PRRX2: variants seen among roughly 807,000 people sequenced by gnomAD.
The protein encoded by PRRX2 is paired related homeobox 2.
A neutral mutation model predicts 18.0 loss-of-function variants in PRRX2; 11 were observed. The ratio of observed to expected loss-of-function variants is 0.61; its 90% CI spans 0.39 to 1.01. The LOEUF (loss-of-function observed/expected upper bound fraction) is 1.01, where lower values mean the gene tolerates loss of function less well. Ranked by LOEUF, PRRX2 falls within the 50% of genes least tolerant of loss-of-function variation. The pLI, the probability that PRRX2 is intolerant of heterozygous loss-of-function variation, is 0.01. For synonymous variants in PRRX2, 177 were observed against 154.8 expected, an observed-to-expected ratio of 1.14 and a Z score of -1.06; for missense variants, 387 against 351.0, an observed-to-expected ratio of 1.10 and a Z score of -0.82.
At chr9:129,696,410 A>G (rs1832422651) in intron 1 of PRRX2, among the ~76,000 whole-genome samples, 2 of 152,060 alleles carry the variant, frequency 1.3e-5, no homozygotes. Flanking sequence ...CCCCGTCTCT[A>G]CAAAAAATAC....
intron 1 of PRRX2, among the ~76,000 whole-genome samples, chr9:129,687,040 AG>A (rs1307750357): frequency 6.6e-6 from 1 of 151,878 alleles, no homozygotes; most frequent in Non-Finnish European, 1.5e-5. Context: ...CCCCCTGCAG[AG>A]GGGGTGGGGG....
At chr9:129,676,794 C>T (rs1247034245) in intron 1 of PRRX2, among the ~76,000 whole-genome samples, 5 of 152,292 alleles carry the variant, frequency 3.3e-5, no homozygotes, top group Admixed American at 6.5e-5. Context: ...CCCCAGAAGC[C>T]GAAGCGTGAT....
At chr9:129,710,896 CCTT>C (rs1171695694) in intron 1 of PRRX2, among the ~76,000 whole-genome samples, 5 of 152,230 alleles carry the variant, frequency 3.3e-5, no homozygotes, top group Admixed American at 2.6e-4. Context: ...TTCTCCCCTT[CCTT>C]CTTTTCTGTC....
In PRRX2 at chr9:129,720,728, G is replaced by A. The variant is rs1250052794; in HGVS notation, c.580G>A (p.Ala194Thr). The A allele has an allele frequency of 2.5e-6, 4 of 1,611,606 alleles. No homozygotes were observed. Among genetic ancestry groups the A allele is most frequent in the Admixed American group, 3.3e-5 (2 of 59,814 alleles). The change falls in exon 3 of 4, where the codon GCC becomes ACC. Residue 194 changes from alanine (A) to threonine (T), a missense_variant. By Grantham distance (58) the Ala-to-Thr change is moderately conservative. Transcript: ENST00000372469. ...GCAGCCCGTGGCTCCCCGGCCCACC[G>A]CCCTGAGTCCAGATTATCTCTCCTG... The part of the protein sequence containing the change: ...IEQPVAPRPT[A>T]LSPDYLSWTA...
At chr9:129,694,016 G>A (rs77561228) in intron 1 of PRRX2, among the ~76,000 whole-genome samples, 2,526 of 152,224 alleles carry the variant, frequency 0.017, 73 homozygotes, top group African/African-American at 0.057. Context: ...CTCTTCCTGA[G>A]CCCATGGCAG....
Position 129,675,709 on chromosome 9 carries a change from C to T in PRRX2, c.259+9583C>T, listed in dbSNP as rs982547075. ...GCAGACGTTTACACGCCAGAGATGG[C>T]GTTATTAAAAATGACATTTAACCAG... On this transcript the variant is annotated intron_variant, in intron 1 of 3. Coordinates refer to ENST00000372469, the MANE Select transcript of PRRX2 (RefSeq NM_016307.4). This position sits in a 1 kb window ranked among gnomAD's most constrained non-coding sequence, Gnocchi z 4.4. 6.6e-6 allele frequency among the ~76,000 whole-genome samples: 1 copy of T among 151,788 alleles called. No individual in the cohort carries two copies. The highest frequency in any genetic ancestry group is 6.6e-5 in the Admixed American group (1 of 15,238).
At chr9:129,667,887 C>T (rs1588159508) in intron 1 of PRRX2, among the ~76,000 whole-genome samples, 1 of 152,182 alleles carries the variant, frequency 6.6e-6, no homozygotes, top group East Asian at 1.9e-4. Context: ...GGCTAGCCAC[C>T]CTCCTGGAGA....
In PRRX2 at chr9:129,675,431, A is replaced by C. The variant is rs1832152042; in HGVS notation, c.259+9305A>C. ...CAGGGTTGGGGTGTAGGAGGCAGTC[A>C]AAAGCACCCCTGCTGAGCTGGAGCC... is the stretch of plus-strand genomic sequence containing the variant. On this transcript the variant is annotated intron_variant, in intron 1 of 3. Coordinates refer to ENST00000372469, the MANE Select transcript of PRRX2 (RefSeq NM_016307.4). The surrounding 1 kb of genome is among the most constrained non-coding windows in gnomAD (Gnocchi z 4.4). Among the ~76,000 whole-genome samples the C allele has an allele frequency of 6.6e-6, 1 of 152,060 alleles. No homozygotes were observed. Among genetic ancestry groups the C allele is most frequent in the African/African-American group, 2.4e-5 (1 of 41,388 alleles).
intron 1 of PRRX2, among the ~76,000 whole-genome samples, chr9:129,687,505 T>G (rs1337734534): frequency 6.6e-6 from 1 of 152,150 alleles, no homozygotes; most frequent in African/African-American, 2.4e-5. Context: ...TGGCAGCCAC[T>G]CCACCGTCAC....
chr9:129,722,421 G>C lies in PRRX2; in HGVS notation c.*69G>C. On this transcript the variant is annotated 3_prime_UTR_variant, in exon 4 of 4. Transcript: ENST00000372469. ...CAATAGAAAAGGGGGCAGACGCCCAGGAAGTGACCTTCTCCTGGATGAGCT... is the reference window on the plus strand; with the variant it reads ...CAATAGAAAAGGGGGCAGACGCCCACGAAGTGACCTTCTCCTGGATGAGCT... 6.4e-7 allele frequency: 1 copy of C among 1,560,334 alleles called. No individual in the cohort carries two copies. The highest frequency in any genetic ancestry group is 8.7e-7 in the Non-Finnish European group (1 of 1,149,612).
intron 1 of PRRX2, among the ~76,000 whole-genome samples, chr9:129,684,427 A>AAT (rs1554723008): frequency 2.4e-5 from 2 of 82,928 alleles, no homozygotes; most frequent in African/African-American, 9.3e-5. Context: ...ACACAGATAC[A>AAT]ACACACACAC....
rs762197918 is a variant in PRRX2 at position 129,719,311 on chromosome 9, A to G, written c.340A>G (p.Ser114Gly). Residue 114 changes from serine to glycine, a missense_variant, in exon 2 of 4, where the codon AGC (serine) becomes GGC (glycine). Transcript: ENST00000372469. The part of the protein sequence containing the change: ...QRRNRTTFNS[S>G]QLQALERVFE... ...GCGGAACCGCACCACGTTCAACAGC[A>G]GCCAACTGCAGGCGCTGGAGCGCGT... is the stretch of plus-strand genomic sequence containing the variant. 6.2e-7 allele frequency: 1 copy of G among 1,610,512 alleles called. No homozygotes were observed. Among genetic ancestry groups the G allele is most frequent in the Non-Finnish European group, 8.5e-7 (1 of 1,178,888 alleles).
intron 1 of PRRX2, among the ~76,000 whole-genome samples, chr9:129,694,334 G>A (rs1832395286): frequency 1.3e-5 from 2 of 152,192 alleles, no homozygotes; most frequent in Non-Finnish European, 2.9e-5. Context: ...ATGGGTGTGT[G>A]CCACCATGCC....
chr9:129,707,492 T>C (rs1355763781), intron 1 of PRRX2, among the ~76,000 whole-genome samples: 1 of 152,014 alleles, frequency 6.6e-6, no homozygotes, highest in Non-Finnish European at 1.5e-5. Context: ...CTATTATAAA[T>C]AATGCTGCTA....
intron 1 of PRRX2, 32 bp downstream of exon 1, chr9:129,666,158 G>GGGGCC: frequency 2.1e-6 from 2 of 964,942 alleles, no homozygotes; most frequent in Non-Finnish European, 2.5e-6. Context: ...CGGGGGTGGC[G>GGGGCC]GGGCCGGGGC....
chr9:129,681,420 TGAGGCAG>T (rs1035641683), intron 1 of PRRX2, among the ~76,000 whole-genome samples: 11 of 152,170 alleles, frequency 7.2e-5, no homozygotes, highest in African/African-American at 2.7e-4. Flanking sequence ...CTCGGGAGGC[TGAGGCAG>T]GAGAATTGCT....
intron 1 of PRRX2, among the ~76,000 whole-genome samples, chr9:129,684,522 A>ACACC (rs1564147364): frequency 1.0e-4 from 4 of 39,642 alleles, no homozygotes; most frequent in Admixed American, 4.0e-4. Flanking sequence ...ACACACACAC[A>ACACC]CCCACACACA....
chr9:129,666,038 G>A lies in PRRX2; in HGVS notation c.171G>A (p.Ala57=). ...EEVAAAGRLA[A]RPGARAEARE... is the part of the protein sequence containing the mutation. ...TGGCGGCGGCCGGGCGGCTGGCGGC[G>A]CGCCCCGGGGCCAGGGCCGAGGCGC... is the stretch of plus-strand genomic sequence containing the variant. The change falls in exon 1 of 4, where the codon GCG becomes GCA. Residue 57 remains alanine, a synonymous_variant. Coordinates refer to ENST00000372469, the MANE Select transcript of PRRX2 (RefSeq NM_016307.4). 9.5e-7 allele frequency: 1 copy of A among 1,055,654 alleles called. No individual in the cohort carries two copies. Among genetic ancestry groups the A allele is most frequent in the Non-Finnish European group, 1.1e-6 (1 of 879,636 alleles). 65.4% of individuals were successfully genotyped at this position (1,055,654 alleles called of 1,614,324 possible).
chr9:129,678,777 C>A (rs557197515), intron 1 of PRRX2, among the ~76,000 whole-genome samples: 2 of 152,258 alleles, frequency 1.3e-5, no homozygotes, highest in South Asian at 4.1e-4. Context: ...AGTGGCCACT[C>A]ACTCCGGCCC....
Sources: allele counts gnomAD v4.1 joint callset (sites outside exome capture counted in the v4.1 genomes callset), GRCh38; gene constraint gnomAD v4.1.1; non-coding constraint Gnocchi (gnomAD v3.1); transcripts MANE v1.5; gene names NCBI Gene and HGNC (gene_info 2026-07-23, HGNC 2026-07-21).